ARID1B: variants seen among roughly 807,000 people sequenced by gnomAD.
ARID1B encodes the protein AT-rich interaction domain 1B.
ARID1B carries 30 observed loss-of-function variants against 212.3 expected under a neutral mutation model. That is an observed-to-expected ratio of 0.14 (90% CI 0.11 to 0.19). ARID1B has a LOEUF of 0.19. Among genes scored for constraint, ARID1B ranks in the 10% least tolerant of loss-of-function variants. ARID1B has a pLI of 1.00. For missense variants in ARID1B, 2,891 were observed against 3,204.0 expected, an observed-to-expected ratio of 0.90 and a Z score of 2.36; for synonymous variants, 1,402 against 1,301.7, an observed-to-expected ratio of 1.08 and a Z score of -1.66.
intron 11 of ARID1B, among the ~76,000 whole-genome samples, chr6:157,180,338 C>A (rs1379970079): frequency 6.6e-6 from 1 of 151,302 alleles, no homozygotes; most frequent in East Asian, 1.9e-4. Context: ...ATCCATAAAT[C>A]CCAAAGCTTT....
In ARID1B at chr6:156,992,774, G is replaced by T. The variant is rs75684754; in HGVS notation, c.2247+57198G>T. 5.6e-3 allele frequency among the ~76,000 whole-genome samples: 846 copies of T among 152,308 alleles called. 14 individuals are homozygous for T. Among genetic ancestry groups the T allele is most frequent in the African/African-American group, 0.02 (817 of 41,572 alleles). On this transcript the variant is annotated intron_variant, in intron 4 of 19. Transcript: ENST00000636930. Reference sequence around the variant, plus strand: ...GCGGTCCCAGTGGGTTGCAGGCACTGTGCGGTGGGCAACATAAGGGTCAGC... The same window carrying T: ...GCGGTCCCAGTGGGTTGCAGGCACTTTGCGGTGGGCAACATAAGGGTCAGC...
intron 6 of ARID1B, among the ~76,000 whole-genome samples, chr6:157,127,783 C>CAAAAAAAAAAAAAA (rs61172896): frequency 1.8e-5 from 1 of 56,794 alleles, no homozygotes. Flanking sequence ...GACTCTGTCT[C>CAAAAAAAAAAAAAA]AAAAAAAAAA....
At chr6:156,967,567 A>G (rs751467366) in intron 4 of ARID1B, among the ~76,000 whole-genome samples, 2 of 152,176 alleles carry the variant, frequency 1.3e-5, no homozygotes, top group Non-Finnish European at 2.9e-5. Context: ...GGTACGTAAG[A>G]TTTGTTTCAG....
intron 4 of ARID1B, among the ~76,000 whole-genome samples, chr6:157,017,963 CAAAA>C (rs112983063): frequency 1.6e-3 from 160 of 97,324 alleles, no homozygotes; most frequent in South Asian, 5.2e-3. Context: ...ACCATCTCTA[CAAAA>C]AAAAAAAAAA....
intron 1 of ARID1B, among the ~76,000 whole-genome samples, chr6:156,804,975 G>T (rs900882620): frequency 3.3e-5 from 5 of 151,846 alleles, no homozygotes; most frequent in Non-Finnish European, 7.4e-5. Context: ...ATTACTAATG[G>T]CCAGTACTTA....
At chr6:156,823,596 G>T (rs1157345412) in intron 1 of ARID1B, among the ~76,000 whole-genome samples, 1 of 151,892 alleles carries the variant, frequency 6.6e-6, no homozygotes, top group African/African-American at 2.4e-5. Flanking sequence ...AAAGAGGGAA[G>T]AGTTTTCTAT....
chr6:157,174,050 A>G lies in ARID1B; in HGVS notation c.3278A>G (p.Lys1093Arg). The change falls in exon 10 of 20, where the codon AAA becomes AGA. Residue 1093 changes from lysine (K) to arginine (R), a missense_variant. By Grantham distance (26) the Lys-to-Arg change is conservative (BLOSUM62 2). Transcript: ENST00000636930. ...GATATGATGTCTCCTGGTGAATCCAAACTGCCCCTGCCTCTCAAAGCAGAC... is the reference window on the plus strand; with the variant it reads ...GATATGATGTCTCCTGGTGAATCCAGACTGCCCCTGCCTCTCAAAGCAGAC... ...LADMMSPGES[K>R]LPLPLKADGK... The G allele has an allele frequency of 6.2e-7, 1 of 1,614,090 alleles. No individual in the cohort carries two copies. Among genetic ancestry groups the G allele is most frequent in the Non-Finnish European group, 8.5e-7 (1 of 1,180,004 alleles).
At chr6:156,882,586 C>T (rs1200477589) in intron 2 of ARID1B, among the ~76,000 whole-genome samples, 1 of 152,176 alleles carries the variant, frequency 6.6e-6, no homozygotes, top group Non-Finnish European at 1.5e-5. Context: ...GCTGTGGTCT[C>T]TTTCAATCAG....
chr6:156,840,974 C>T (rs1047453328), intron 2 of ARID1B, among the ~76,000 whole-genome samples: 1 of 152,156 alleles, frequency 6.6e-6, no homozygotes, highest in East Asian at 1.9e-4. Context: ...TTCTTCATCC[C>T]AACACCAGTC....
At chr6:157,118,695 G>A (rs1426002897) in intron 6 of ARID1B, among the ~76,000 whole-genome samples, 2 of 152,222 alleles carry the variant, frequency 1.3e-5, no homozygotes, top group South Asian at 2.1e-4. Flanking sequence ...GGCAGTCATG[G>A]CACAGGACTT....
intron 4 of ARID1B, chr6:156,942,455 G>A (rs1027048538): frequency 1.2e-4 from 19 of 152,218 alleles, no homozygotes; most frequent in East Asian, 3.8e-4. Flanking sequence ...CAGAGGCAGC[G>A]TGGACCCCAT....
chr6:157,166,421 T>C (rs1021947243), intron 8 of ARID1B: 10 of 152,250 alleles, frequency 6.6e-5, no homozygotes, highest in African/African-American at 2.4e-4. Context: ...CATCCTCCTC[T>C]GTAACGTAAA....
chr6:157,082,021 G>A (rs549569863), intron 4 of ARID1B, among the ~76,000 whole-genome samples: 1 of 152,184 alleles, frequency 6.6e-6, no homozygotes, highest in African/African-American at 2.4e-5. Flanking sequence ...GCCGTGTGGT[G>A]GGTACTGTCA....
Position 157,127,568 on chromosome 6 carries a change from G to A in ARID1B, c.2582-5460G>A, listed in dbSNP as rs895794381. ...GGGCGGATCACAAGGTCAGGAGATCGAGACCATCCTGGCTAATATGGTGAA... is the reference window on the plus strand; with the variant it reads ...GGGCGGATCACAAGGTCAGGAGATCAAGACCATCCTGGCTAATATGGTGAA... On this transcript the variant is annotated intron_variant, in intron 6 of 19. Coordinates refer to ENST00000636930, the MANE Select transcript of ARID1B (RefSeq NM_001374828.1). 4.0e-5 allele frequency among the ~76,000 whole-genome samples: 6 copies of A among 151,360 alleles called. No homozygotes were observed. In the East Asian group the frequency reaches 9.7e-4, roughly 24 times the overall value.
chr6:156,785,524 G>GTTT (rs112331619), intron 1 of ARID1B, among the ~76,000 whole-genome samples: 1 of 149,126 alleles, frequency 6.7e-6, no homozygotes, highest in African/African-American at 2.5e-5. Flanking sequence ...TAAATATATG[G>GTTT]TTTTTTTTTT....
chr6:156,801,294 G>A (rs978708837), intron 1 of ARID1B, among the ~76,000 whole-genome samples: 1 of 148,920 alleles, frequency 6.7e-6, no homozygotes, highest in South Asian at 2.1e-4. Context: ...TCTGCCTCCC[G>A]GTTTCAAGCA....
At chr6:156,920,681 G>A (rs911387008) in intron 3 of ARID1B, among the ~76,000 whole-genome samples, 4 of 152,050 alleles carry the variant, frequency 2.6e-5, no homozygotes, top group Admixed American at 1.3e-4. Flanking sequence ...AACCAGCTTA[G>A]GTCACTGATT....
chr6:157,096,669 C>T (rs995470511), intron 5 of ARID1B, among the ~76,000 whole-genome samples: 4 of 152,210 alleles, frequency 2.6e-5, no homozygotes, highest in Admixed American at 1.3e-4. Flanking sequence ...CTGGCACTGC[C>T]TCTGGCAGAG....
At chr6:156,833,054 T>C (rs1783255534) in intron 2 of ARID1B, among the ~76,000 whole-genome samples, 1 of 152,140 alleles carries the variant, frequency 6.6e-6, no homozygotes, top group Non-Finnish European at 1.5e-5. Context: ...AGGGGGGAAA[T>C]GAATTTTCTA....
Sources: allele counts gnomAD v4.1 joint callset (sites outside exome capture counted in the v4.1 genomes callset), GRCh38; gene constraint gnomAD v4.1.1; transcripts MANE v1.5; gene names NCBI Gene and HGNC (gene_info 2026-07-23, HGNC 2026-07-21).